The following IQSEC3 variants were observed in gnomAD, a reference collection of about 807,000 sequenced individuals.
The protein encoded by IQSEC3 is IQ motif and Sec7 domain ArfGEF 3, also known as IQ motif and SEC7 domain-containing protein 3.
Under a neutral mutation model 105.4 loss-of-function variants are expected in IQSEC3, and 50 were observed. The ratio of observed to expected loss-of-function variants is 0.47; its 90% CI spans 0.38 to 0.60. The LOEUF is 0.60. Among genes scored for constraint, IQSEC3 ranks in the 20% least tolerant of loss-of-function variants. The pLI is 0.00. For synonymous variants in IQSEC3, 708 were observed against 746.0 expected, an observed-to-expected ratio of 0.95 and a Z score of 0.83; for missense variants, 1,415 against 1,630.0, an observed-to-expected ratio of 0.87 and a Z score of 2.27.
At chr12:115,889 C>A (rs541888133) in intron 2 of IQSEC3, among the ~76,000 whole-genome samples, 48 of 152,136 alleles carry the variant, frequency 3.2e-4, no homozygotes, top group Non-Finnish European at 5.1e-4. Flanking sequence ...ACAGAAGAGG[C>A]CAGCACATCT....
chr12:95,122 G>T (rs903192357), intron 1 of IQSEC3, among the ~76,000 whole-genome samples: 1 of 152,164 alleles, frequency 6.6e-6, no homozygotes, highest in African/African-American at 2.4e-5. Flanking sequence ...GTTTCAGACA[G>T]TTCTCTAAAG....
At chr12:76,718 G>T (rs769994189) in intron 1 of IQSEC3, among the ~76,000 whole-genome samples, 566 of 152,234 alleles carry the variant, frequency 3.7e-3, no homozygotes, top group Non-Finnish European at 6.4e-3. Flanking sequence ...GTGTGGAAGG[G>T]GACAGGTACA....
intron 1 of IQSEC3, among the ~76,000 whole-genome samples, chr12:91,401 G>A (rs1864080140): frequency 6.6e-6 from 1 of 152,184 alleles, no homozygotes; most frequent in Non-Finnish European, 1.5e-5. Flanking sequence ...TGCTGCACTT[G>A]ATGCTCCTTC....
chr12:72,184 C>T (rs547742838), intron 1 of IQSEC3, among the ~76,000 whole-genome samples: 73 of 152,320 alleles, frequency 4.8e-4, no homozygotes, highest in Non-Finnish European at 8.1e-4. Flanking sequence ...GGCACATTTT[C>T]CTGCTGGCCC....
At chr12:135,503 A>G (rs912461334) in intron 3 of IQSEC3, among the ~76,000 whole-genome samples, 1 of 152,242 alleles carries the variant, frequency 6.6e-6, no homozygotes, top group Non-Finnish European at 1.5e-5. Context: ...AGTCCCCTTC[A>G]TGCTAGTGTA....
intron 1 of IQSEC3, among the ~76,000 whole-genome samples, chr12:70,497 G>A (rs1381263279): frequency 3.9e-5 from 6 of 152,252 alleles, no homozygotes; most frequent in African/African-American, 1.4e-4. Flanking sequence ...GCTAAGCTCT[G>A]ACCCCCACTG....
chr12:87,729 A>C (rs782802347), intron 1 of IQSEC3, among the ~76,000 whole-genome samples: 1 of 152,194 alleles, frequency 6.6e-6, no homozygotes, highest in South Asian at 2.1e-4. Context: ...ATGACACTGA[A>C]GACCAGTGGG....
intron 2 of IQSEC3, among the ~76,000 whole-genome samples, chr12:120,679 C>A (rs1865189613): frequency 6.6e-6 from 1 of 152,216 alleles, no homozygotes; most frequent in Non-Finnish European, 1.5e-5. Flanking sequence ...CTCTTTGGCA[C>A]ATGTGATATT....
chr12:86,053 T>C (rs1237511627), intron 1 of IQSEC3, among the ~76,000 whole-genome samples: 1 of 152,208 alleles, frequency 6.6e-6, no homozygotes, highest in African/African-American at 2.4e-5. Context: ...CAGGCATGGC[T>C]CTGGAAAACT....
rs370713762 is a variant in IQSEC3 at position 151,634 on chromosome 12, C to T, written c.2154-5391C>T. Among the ~76,000 whole-genome samples the T allele has an allele frequency of 7.2e-5, 11 of 152,326 alleles. No homozygotes were observed. In the East Asian group the frequency reaches 1.5e-3, roughly 21 times the overall value. On this transcript the variant is annotated intron_variant, in intron 5 of 13. Transcript: ENST00000538872. ...ACCCTGTCGCTCCTCTGATCATACC[C>T]TCTATTGTGTCCCAGTGCATTCAGG...
rs976398727 is a variant in IQSEC3, at chr12:176,154, C to T, written c.*1121C>T. 2 of 152,206 alleles carry T rather than the reference C, an allele frequency of 1.3e-5. No individual in the cohort carries two copies. The highest frequency in any genetic ancestry group is 4.8e-5 in the African/African-American group (2 of 41,444). 9.4% of individuals were successfully genotyped at this position (152,206 alleles called of 1,614,324 possible). ...CTCCTCCTAGAAGGTTCTAGACCCC[C>T]CCCTTCCAGCAGGGGTGCCCAAGAG... On this transcript the variant is annotated 3_prime_UTR_variant, in exon 14 of 14. Coordinates refer to ENST00000538872, the MANE Select transcript of IQSEC3 (RefSeq NM_001170738.2). This position sits in a 1 kb window ranked among gnomAD's most constrained non-coding sequence, Gnocchi z 4.0.
chr12:70,361 C>A (rs1863266194), intron 1 of IQSEC3, among the ~76,000 whole-genome samples: 1 of 152,226 alleles, frequency 6.6e-6, no homozygotes, highest in African/African-American at 2.4e-5. Context: ...GAGGGAGACA[C>A]AAAGGTGGTG....
At chr12:161,111 G>A (rs372814676) in intron 7 of IQSEC3, among the ~76,000 whole-genome samples, 4 of 152,312 alleles carry the variant, frequency 2.6e-5, no homozygotes, top group East Asian at 3.9e-4. Flanking sequence ...CGGGAGCTGC[G>A]TGTGGAAGGC....
chr12:150,231 G>A (rs1289028131), intron 5 of IQSEC3, among the ~76,000 whole-genome samples: 3 of 152,190 alleles, frequency 2.0e-5, no homozygotes, highest in South Asian at 2.1e-4. Context: ...TTCAGAATAC[G>A]CGTGTGCTTC....
At chr12:100,199 G>A (rs1231424151) in intron 2 of IQSEC3, among the ~76,000 whole-genome samples, 16 of 152,100 alleles carry the variant, frequency 1.1e-4, no homozygotes, top group African/African-American at 3.4e-4. Context: ...CTATCATCCC[G>A]TCGAGTCTCT....
chr12:137,956 G>A (rs933072748), intron 3 of IQSEC3, among the ~76,000 whole-genome samples: 2 of 151,570 alleles, frequency 1.3e-5, no homozygotes, highest in Non-Finnish European at 2.9e-5. Flanking sequence ...GAGCTAATGC[G>A]CCCGGCCATG....
rs1263760728 is a variant in IQSEC3 at position 140,650 on chromosome 12, T to A, written c.1992-474T>A. 3 of 157,734 alleles carry A rather than the reference T, an allele frequency of 1.9e-5. No individual in the cohort carries two copies. In the Admixed American group the frequency reaches 1.9e-4, roughly 10 times the overall value. The allele number at this position is 157,734 out of a possible 1,614,324, so 9.8% of individuals were successfully genotyped here. A position where few individuals can be genotyped will look rare whatever the true frequency, so the allele number is the denominator to read the frequency against. On this transcript the variant is annotated intron_variant, in intron 4 of 13. Transcript: ENST00000538872. ...TATGGGAGGTTCTCAGTGCTTACCT[T>A]GTGTTTCTGTACTTATCTCCTCCCG...
In IQSEC3 at chr12:138,808, T is replaced by C. The variant is rs1343037939; in HGVS notation, c.1445T>C (p.Met482Thr). 1.2e-6 allele frequency: 2 copies of C among 1,609,114 alleles called. No homozygotes were observed. The highest frequency in any genetic ancestry group is 1.7e-5 in the Admixed American group (1 of 59,906). Residue 482 changes from methionine (M) to threonine (T), a missense_variant, in exon 4 of 14, where the codon ATG becomes ACG. Transcript: ENST00000538872. This position sits in a 1 kb window ranked among gnomAD's most constrained non-coding sequence, Gnocchi z 7.1. ...CCCCCGGCCCACAGCGGGACCCTCA[T>C]GATGGCTTTCCGGGACGTCACGGTG... ...GLPPAHSGTLMMAFRDVTVQI... is the reference protein window; with the variant it reads ...GLPPAHSGTLTMAFRDVTVQI...
In IQSEC3 at chr12:174,891, GT is replaced by G; in HGVS notation, c.3408del (p.Gly1138AlafsTer81). The G allele has an allele frequency of 6.4e-7, 1 of 1,569,840 alleles. No individual in the cohort carries two copies. The highest frequency in any genetic ancestry group is 8.6e-7 in the Non-Finnish European group (1 of 1,166,444). On this transcript the variant is annotated frameshift_variant, in exon 14 of 14. Transcript: ENST00000538872. LOFTEE classifies it high-confidence loss of function. ...SDSCGSTPLG[G>X]PGSPVKVTHQ... Reference sequence around the variant, plus strand: ...TCCTGCGGCTCCACACCCCTGGGCGGTCCCGGCTCTCCGGTCAAGGTCACCC... The same window carrying G: ...TCCTGCGGCTCCACACCCCTGGGCGGCCCGGCTCTCCGGTCAAGGTCACCC...
Sources: gnomAD v4.1 joint callset for allele counts (sites outside exome capture counted in the v4.1 genomes callset) on GRCh38, gnomAD v4.1.1 for gene constraint, Gnocchi (gnomAD v3.1) non-coding constraint, MANE v1.5 for transcripts, NCBI Gene and HGNC (gene_info 2026-07-23, HGNC 2026-07-21) for gene names.